The following TCF12 variants were observed in gnomAD, a reference collection of about 807,000 sequenced individuals.
The protein encoded by TCF12 is DNA-binding protein HTF4.
In TCF12, 45 loss-of-function variants were observed where a neutral mutation model predicts 86.0. The observed-to-expected ratio is 0.52, with a 90% CI of 0.41 to 0.67. The LOEUF (loss-of-function observed/expected upper bound fraction) is 0.67. TCF12 is among the 30% of genes least tolerant of loss of function. The probability of loss-of-function intolerance (pLI) is 0.00; values close to 1 mark genes in which losing one functional copy is unlikely to be tolerated. For missense variants in TCF12, 881 were observed against 859.9 expected, an observed-to-expected ratio of 1.02 and a Z score of -0.31; for synonymous variants, 330 against 299.6, an observed-to-expected ratio of 1.10 and a Z score of -1.05.
intron 7 of TCF12, among the ~76,000 whole-genome samples, chr15:57,196,851 A>T (rs1191024506): frequency 6.6e-6 from 1 of 152,218 alleles, no homozygotes; most frequent in African/African-American, 2.4e-5. Flanking sequence ...TAAATGTGTC[A>T]AATACTGAAT....
chr15:56,930,219 G>GT (rs1370753642), intron 3 of TCF12, among the ~76,000 whole-genome samples: 2 of 152,210 alleles, frequency 1.3e-5, no homozygotes, highest in African/African-American at 4.8e-5. Context: ...CAGCTTCTTG[G>GT]TCCCAGAGGC....
At chr15:56,961,978 A>G (rs532098677) in intron 3 of TCF12, among the ~76,000 whole-genome samples, 1 of 152,068 alleles carries the variant, frequency 6.6e-6, no homozygotes, top group Non-Finnish European at 1.5e-5. Flanking sequence ...AAAATTAAAA[A>G]AAAATTAGCC....
intron 4 of TCF12, among the ~76,000 whole-genome samples, chr15:57,080,296 T>G (rs751269054): frequency 3.9e-5 from 6 of 152,224 alleles, no homozygotes; most frequent in Non-Finnish European, 7.3e-5. Context: ...GCATTTCAGC[T>G]GCTGAGCACT....
chr15:57,224,829 T>G (rs1180035469), intron 8 of TCF12, among the ~76,000 whole-genome samples: 4 of 152,176 alleles, frequency 2.6e-5, no homozygotes, highest in Non-Finnish European at 5.9e-5. Flanking sequence ...TGAGTCAGTC[T>G]TTGTACTTCA....
At chr15:57,064,808 AAAAAAG>A (rs1254354337) in intron 4 of TCF12, among the ~76,000 whole-genome samples, 3 of 145,476 alleles carry the variant, frequency 2.1e-5, no homozygotes, top group Admixed American at 1.4e-4. Flanking sequence ...AAAAAAAAAA[AAAAAAG>A]AGAGAGAGAG....
At chr15:57,068,520 T>A (rs1449043994) in intron 4 of TCF12, among the ~76,000 whole-genome samples, 1 of 152,236 alleles carries the variant, frequency 6.6e-6, no homozygotes, top group East Asian at 1.9e-4. Flanking sequence ...TGTTTATTTC[T>A]TTCTTGGGAA....
intron 16 of TCF12, among the ~76,000 whole-genome samples, chr15:57,257,568 G>A (rs2060402318): frequency 6.6e-6 from 1 of 151,902 alleles, no homozygotes; most frequent in Non-Finnish European, 1.5e-5. Flanking sequence ...GGCTGAGGCA[G>A]GAGGATTGCT....
chr15:57,224,026 C>T (rs531690922), intron 8 of TCF12, among the ~76,000 whole-genome samples: 14 of 151,998 alleles, frequency 9.2e-5, no homozygotes, highest in South Asian at 6.2e-4. Flanking sequence ...AAAATATCTG[C>T]GACTATGGTG....
chr15:57,279,647 T>A (rs1404141835), intron 19 of TCF12, among the ~76,000 whole-genome samples: 2 of 152,146 alleles, frequency 1.3e-5, no homozygotes, highest in African/African-American at 4.8e-5. Flanking sequence ...CTTGCCTAAT[T>A]TACTGAGTTT....
intron 4 of TCF12, among the ~76,000 whole-genome samples, chr15:57,085,188 C>G (rs2048543460): frequency 6.6e-6 from 1 of 152,160 alleles, no homozygotes; most frequent in African/African-American, 2.4e-5. Context: ...AACTTAAGCA[C>G]TTCATTACAC....
intron 8 of TCF12, among the ~76,000 whole-genome samples, chr15:57,225,072 G>C (rs1220113287): frequency 6.6e-6 from 1 of 151,932 alleles, no homozygotes; most frequent in South Asian, 2.1e-4. Flanking sequence ...TATTGAATTA[G>C]ACTATCATTT....
intron 6 of TCF12, among the ~76,000 whole-genome samples, chr15:57,182,330 A>G (rs1191304993): frequency 6.6e-6 from 1 of 152,136 alleles, no homozygotes; most frequent in African/African-American, 2.4e-5. Context: ...TTAGTGTTAG[A>G]ATATCAAAAT....
At chr15:56,958,846 C>A (rs189044897) in intron 3 of TCF12, among the ~76,000 whole-genome samples, 105 of 152,026 alleles carry the variant, frequency 6.9e-4, no homozygotes, top group Non-Finnish European at 5.1e-4. Flanking sequence ...TATAGTGAGA[C>A]CCTGTCTCTA....
intron 11 of TCF12, 77 bp from the exon 12 acceptor site, chr15:57,233,966 C>A (rs570283031): frequency 6.0e-6 from 7 of 1,174,056 alleles, no homozygotes; most frequent in Admixed American, 5.1e-5. Context: ...AGAGAACACC[C>A]TTGGAATAAT....
chr15:57,011,478 C>T (rs944899234), intron 3 of TCF12, among the ~76,000 whole-genome samples: 1 of 152,108 alleles, frequency 6.6e-6, no homozygotes, highest in Non-Finnish European at 1.5e-5. Flanking sequence ...AACCGTGAGC[C>T]AATTAAACCT....
intron 5 of TCF12, among the ~76,000 whole-genome samples, chr15:57,151,586 G>A (rs2053764024): frequency 6.6e-6 from 1 of 152,048 alleles, no homozygotes; most frequent in South Asian, 2.1e-4. Context: ...CCAACATGGT[G>A]AAACCCTGTC....
At chr15:57,054,055 G>C (rs1001267838) in intron 3 of TCF12, among the ~76,000 whole-genome samples, 1 of 152,154 alleles carries the variant, frequency 6.6e-6, no homozygotes, top group Admixed American at 6.5e-5. Context: ...GGAAAGAATT[G>C]AGTGGCAGTT....
intron 3 of TCF12, among the ~76,000 whole-genome samples, chr15:56,955,953 CTT>C (rs1199177445): frequency 1.3e-5 from 2 of 152,126 alleles, no homozygotes; most frequent in African/African-American, 4.8e-5. Flanking sequence ...TATATGTACT[CTT>C]CATCAGGTGA....
chr15:57,248,708 C>G (rs1371702352), intron 13 of TCF12, among the ~76,000 whole-genome samples: 2 of 152,174 alleles, frequency 1.3e-5, no homozygotes, highest in African/African-American at 4.8e-5. Context: ...CTGGAACGGG[C>G]CAGTCTGTAA....
Sources: allele counts gnomAD v4.1 joint callset (sites outside exome capture counted in the v4.1 genomes callset), GRCh38; gene constraint gnomAD v4.1.1; transcripts MANE v1.5; gene names NCBI Gene and HGNC (gene_info 2026-07-23, HGNC 2026-07-21).